TARBP1: variants seen among roughly 807,000 people sequenced by gnomAD.
The protein encoded by TARBP1 is tRNA guanosine 2 -O-methyltransferase TARBP1.
TARBP1 carries 144 observed loss-of-function variants against 178.6 expected under a neutral mutation model. That is an observed-to-expected ratio of 0.81 (90% CI 0.70 to 0.93). The LOEUF is 0.93. TARBP1 is among the 40% of genes least tolerant of loss of function. The pLI is 0.00. For missense variants in TARBP1, 2,067 were observed against 2,011.7 expected (o/e 1.03, Z -0.53); for synonymous variants, 787 against 781.0 (o/e 1.01, Z -0.13).
chr1:234,474,071 G>T (rs1669327445), intron 1 of TARBP1, among the ~76,000 whole-genome samples: 1 of 152,054 alleles, frequency 6.6e-6, no homozygotes, highest in South Asian at 2.1e-4. Flanking sequence ...GCAAGACCCT[G>T]TCTCTACAAG....
intron 12 of TARBP1, among the ~76,000 whole-genome samples, chr1:234,440,024 G>C (rs1665431858): frequency 6.6e-6 from 1 of 152,010 alleles, no homozygotes; most frequent in African/African-American, 2.4e-5. Flanking sequence ...TTTAAAAACT[G>C]AAATCATATG....
Position 234,427,680 on chromosome 1 carries a change from C to G in TARBP1, c.3147G>C (p.Val1049=). The G allele has an allele frequency of 6.3e-7, 1 of 1,576,740 alleles. No homozygotes were observed. Among genetic ancestry groups the G allele is most frequent in the Non-Finnish European group, 8.6e-7 (1 of 1,168,102 alleles). The change falls in exon 18 of 30, where the codon GTG becomes GTC. Residue 1049 remains valine (V), a synonymous_variant. Coordinates refer to ENST00000040877, the MANE Select transcript of TARBP1 (RefSeq NM_005646.4). Reference sequence around the variant, plus strand: ...ATCCTTGGGACACATTTGAAGCAGACACTATCCAAGACTGACAGCAGTAAC... The same window carrying G: ...ATCCTTGGGACACATTTGAAGCAGAGACTATCCAAGACTGACAGCAGTAAC... The part of the protein sequence containing the change: ...LISYCCQSWI[V]SASNVSQGSL...
In TARBP1 at chr1:234,446,931, G is replaced by C; in HGVS notation, c.2006C>G (p.Pro669Arg). 1 of 1,613,862 alleles carries C rather than the reference G, an allele frequency of 6.2e-7. No homozygotes were observed. The highest frequency in any genetic ancestry group is 8.5e-7 in the Non-Finnish European group (1 of 1,179,862). ...AAACTTCATAAGCACATCCAGAAGA[G>C]GGTCTAAGAATATCCGCAATACATT... ...TENVLRIFLD[P>R]LLDVLMKFST... Residue 669 changes from proline (P) to arginine (R), a missense_variant, in exon 12 of 30, where the codon CCT becomes CGT. Physicochemically the swap from Pro to Arg is moderately radical, Grantham distance 103 (BLOSUM62 -2). Transcript: ENST00000040877.
Position 234,417,620 on chromosome 1 carries a change from A to T in TARBP1, c.3705+464T>A, listed in dbSNP as rs965743652. 2.0e-5 allele frequency among the ~76,000 whole-genome samples: 3 copies of T among 152,346 alleles called. No individual in the cohort carries two copies. The South Asian group carries it at 6.2e-4, about 32-fold the overall frequency. ...TTTCAATATATGAGAAAAGTTGGAA[A>T]GCGATTAGGGGAGTGTGTGAGGGTA... On this transcript the variant is annotated intron_variant, in intron 22 of 29. Coordinates refer to ENST00000040877, the MANE Select transcript of TARBP1 (RefSeq NM_005646.4).
chr1:234,462,104 A>C (rs1476279552), intron 6 of TARBP1, among the ~76,000 whole-genome samples: 1 of 151,608 alleles, frequency 6.6e-6, no homozygotes, highest in African/African-American at 2.4e-5. Context: ...TTCCATTTGC[A>C]CTAACTAAAT....
intron 1 of TARBP1, among the ~76,000 whole-genome samples, chr1:234,476,979 A>C (rs917207877): frequency 6.6e-6 from 1 of 152,232 alleles, no homozygotes; most frequent in African/African-American, 2.4e-5. Flanking sequence ...TGAGGTGAGG[A>C]GTTTGAGGCC....
chr1:234,475,511 G>A (rs566679283), intron 1 of TARBP1, among the ~76,000 whole-genome samples: 1 of 152,302 alleles, frequency 6.6e-6, no homozygotes, highest in Non-Finnish European at 1.5e-5. Flanking sequence ...AGGGCAGGAC[G>A]CTACACCCAA....
At chr1:234,420,157 C>T (rs555492853) in intron 21 of TARBP1, among the ~76,000 whole-genome samples, 91 of 152,286 alleles carry the variant, frequency 6.0e-4, no homozygotes, top group African/African-American at 2.0e-3. Context: ...TGTTTCTTGC[C>T]TCCTCAGGGA....
chr1:234,463,777 T>TAAA, intron 6 of TARBP1, 60 bp downstream of exon 6: 1 of 860,928 alleles, frequency 1.2e-6, no homozygotes, highest in South Asian at 2.4e-5. Flanking sequence ...ACCAATTTGC[T>TAAA]AAAAAAAAAA....
At chr1:234,393,160 C>T (rs1225488123) in intron 28 of TARBP1, among the ~76,000 whole-genome samples, 4 of 152,100 alleles carry the variant, frequency 2.6e-5, no homozygotes, top group Admixed American at 2.6e-4. Flanking sequence ...CAGAAGTGAG[C>T]TGTATGTTAT....
chr1:234,463,864 T>C lies in TARBP1; in HGVS notation c.1372A>G (p.Ile458Val). ...TTTATTTCTTCTGGAAGAAGAGAAA[T>C]ATAAGTGACTAAAAACTTCTGTAAT... ...LKLQKFLVTY[I>V]SLLPEEIKSS... The change falls in exon 6 of 30, where the codon ATT becomes GTT. Residue 458 changes from isoleucine to valine, a missense_variant. Coordinates refer to ENST00000040877, the MANE Select transcript of TARBP1 (RefSeq NM_005646.4). 6.3e-7 allele frequency: 1 copy of C among 1,593,768 alleles called. No individual in the cohort carries two copies. The highest frequency in any genetic ancestry group is 1.7e-5 in the Admixed American group (1 of 57,392).
Position 234,418,220 on chromosome 1 carries a change from C to A in TARBP1, c.3569G>T (p.Gly1190Val). The change falls in exon 22 of 30, where the codon GGA (glycine) becomes GTA (valine). Residue 1190 changes from glycine (G) to valine (V), a missense_variant. Transcript: ENST00000040877. ...FPRLDQNFLN[G>V]IIDRIFQAGF... ...AGCCTGGAAAATCCTGTCAATAATT[C>A]CATTCAAGAAATTCTGAGAAAAAAA... is the stretch of plus-strand genomic sequence containing the variant. 1 of 1,550,496 alleles carries A rather than the reference C, an allele frequency of 6.4e-7. No individual in the cohort carries two copies. Among genetic ancestry groups the A allele is most frequent in the South Asian group, 1.3e-5 (1 of 77,580 alleles).
intron 7 of TARBP1, among the ~76,000 whole-genome samples, 161 bp downstream of exon 7, chr1:234,460,100 C>T (rs1050389279): frequency 1.3e-5 from 2 of 152,156 alleles, no homozygotes; most frequent in Non-Finnish European, 2.9e-5. Context: ...ACGAATAATA[C>T]ATTTTTTAAT....
At chr1:234,444,489 C>T (rs918101478) in intron 12 of TARBP1, among the ~76,000 whole-genome samples, 2 of 152,196 alleles carry the variant, frequency 1.3e-5, no homozygotes, top group Non-Finnish European at 2.9e-5. Context: ...TATTGCACAT[C>T]ACAGGCTGGA....
chr1:234,460,524 G>A, intron 6 of TARBP1, 128 bp from the exon 7 acceptor site: 1 of 936,882 alleles, frequency 1.1e-6, no homozygotes, highest in South Asian at 1.7e-5. Flanking sequence ...CACTATGATG[G>A]CTATAATCTA....
intron 10 of TARBP1, among the ~76,000 whole-genome samples, chr1:234,450,066 C>G (rs1410433942): frequency 2.0e-5 from 3 of 152,126 alleles, no homozygotes; most frequent in Non-Finnish European, 4.4e-5. Flanking sequence ...ACACGTATTT[C>G]CAATGCATAT....
At position 234,401,201 on chromosome 1, in the gene TARBP1, GT is replaced by G; in HGVS notation, c.4050del (p.Leu1351SerfsTer6). The G allele has an allele frequency of 6.2e-7, 1 of 1,613,336 alleles. No homozygotes were observed. The highest frequency in any genetic ancestry group is 8.5e-7 in the Non-Finnish European group (1 of 1,179,544). ...QEHFFFATFH[P>X]LKDYCLETIF... ...CTCACCTCTAGACAATAATCCTTGAGTGGGTGAAATGTTGCAAAAAAGAAAT... is the reference window on the plus strand; with the variant it reads ...CTCACCTCTAGACAATAATCCTTGAGGGGTGAAATGTTGCAAAAAAGAAAT... On this transcript the variant is annotated frameshift_variant, in exon 25 of 30. Transcript: ENST00000040877. LOFTEE classifies it high-confidence loss of function.
intron 1 of TARBP1, 41 bp downstream of exon 1, chr1:234,478,132 C>CAAGTAGGTAGCACTAGGCTGGGGGGCA: frequency 6.3e-7 from 1 of 1,589,748 alleles, no homozygotes; most frequent in East Asian, 2.4e-5. Flanking sequence ...CTGGGGCAGC[C>CAAGTAGGTAGCACTAGGCTGGGGGGCA]AAGTAGGTAG....
intron 13 of TARBP1, among the ~76,000 whole-genome samples, chr1:234,434,421 G>T (rs1558202290): frequency 6.6e-6 from 1 of 152,158 alleles, no homozygotes; most frequent in South Asian, 2.1e-4. Context: ...GCCAGGTGCT[G>T]GGATACAGTG....
Sources: gnomAD v4.1 joint callset for allele counts (sites outside exome capture counted in the v4.1 genomes callset) on GRCh38, gnomAD v4.1.1 for gene constraint, MANE v1.5 for transcripts, NCBI Gene and HGNC (gene_info 2026-07-23, HGNC 2026-07-21) for gene names.